SQOR: variants seen among roughly 807,000 people sequenced by gnomAD.
The protein encoded by SQOR is sulfide quinone oxidoreductase, also known as sulfide:quinone oxidoreductase, mitochondrial.
Under a neutral mutation model 48.6 loss-of-function variants are expected in SQOR, and 39 were observed. The observed-to-expected ratio is 0.80, with a 90% confidence interval of 0.62 to 1.05. The LOEUF (loss-of-function observed/expected upper bound fraction) is 1.05. Among genes scored for constraint, SQOR ranks in the 50% least tolerant of loss-of-function variants. The pLI is 0.00. For synonymous variants in SQOR, 220 were observed against 206.2 expected (o/e 1.07, Z -0.57); for missense variants, 561 against 559.9 (o/e 1.00, Z -0.02).
In SQOR at chr15:45,689,075, T is replaced by C. The variant is rs1284695852; in HGVS notation, c.1153T>C (p.Tyr385His). The C allele has an allele frequency of 6.2e-7, 1 of 1,614,218 alleles. No homozygotes were observed. The highest frequency in any genetic ancestry group is 1.7e-5 in the Admixed American group (1 of 60,026). Residue 385 changes from tyrosine (Y) to histidine (H), a missense_variant, in exon 9 of 10, where the codon TAC becomes CAC. Transcript: ENST00000260324. ...CACATCATGTCCACTGGTGACCGGC[T>C]ACAACCGTGTGATTCTTGCTGAGTT... The part of the protein sequence containing the change: ...GYTSCPLVTG[Y>H]NRVILAEFDY...
Position 45,655,975 on chromosome 15 carries a change from G to A in SQOR, c.-17-2932G>A, listed in dbSNP as rs946517293. ...GCTAGGATTACAGGCGTGAGCCACC[G>A]TGCCTGGCCTATTTTTTTTTTTTTC... is the stretch of plus-strand genomic sequence containing the variant. On this transcript the variant is annotated intron_variant, in intron 1 of 9. Transcript: ENST00000260324. 6.6e-5 allele frequency among the ~76,000 whole-genome samples: 10 copies of A among 151,100 alleles called. No individual in the cohort carries two copies. The South Asian group carries it at 1.3e-3, about 19-fold the overall frequency.
intron 3 of SQOR, among the ~76,000 whole-genome samples, chr15:45,668,615 C>T (rs1889880714): frequency 6.6e-6 from 1 of 152,170 alleles, no homozygotes; most frequent in Non-Finnish European, 1.5e-5. Flanking sequence ...GGCAGGGCCT[C>T]TTGACTGCAC....
At chr15:45,644,098 CT>C (rs1895155082) in intron 1 of SQOR, among the ~76,000 whole-genome samples, 1 of 151,424 alleles carries the variant, frequency 6.6e-6, no homozygotes, top group South Asian at 2.1e-4. Flanking sequence ...TTTTTTTCTC[CT>C]TTTTGAGACG....
intron 1 of SQOR, among the ~76,000 whole-genome samples, chr15:45,654,044 C>G (rs981624581): frequency 1.3e-5 from 2 of 150,720 alleles, no homozygotes; most frequent in Non-Finnish European, 2.9e-5. Flanking sequence ...ATCGCTTGAA[C>G]TCAGGAAGTG....
chr15:45,656,186 G>A (rs635205), intron 1 of SQOR, among the ~76,000 whole-genome samples: 90,521 of 151,906 alleles, frequency 0.6, 27,087 homozygotes, highest in East Asian at 0.72. Flanking sequence ...ATCTGCCTTA[G>A]TTTTACCATC....
At chr15:45,649,896 A>G (rs544109341) in intron 1 of SQOR, among the ~76,000 whole-genome samples, 175 of 152,056 alleles carry the variant, frequency 1.2e-3, no homozygotes, top group African/African-American at 4.0e-3. Context: ...CCTGTCACCC[A>G]GGCTGGCGTG....
chr15:45,689,252 G>GTTCCTGGATGAGGA (rs767911191), intron 9 of SQOR, 35 bp downstream of exon 9: 16 of 1,606,800 alleles, frequency 1.0e-5, no homozygotes, highest in Non-Finnish European at 9.4e-6. Context: ...ATGAGGAAAG[G>GTTCCTGGATGAGGA]GATTTGTAGC....
intron 6 of SQOR, among the ~76,000 whole-genome samples, chr15:45,680,574 C>T (rs1254382278): frequency 6.6e-6 from 1 of 151,114 alleles, no homozygotes; most frequent in Non-Finnish European, 1.5e-5. Flanking sequence ...TGCTACTATG[C>T]CTAGATAATT....
chr15:45,652,638 CTTTTTTTTTT>C (rs757986564), intron 1 of SQOR, among the ~76,000 whole-genome samples: 68 of 60,278 alleles, frequency 1.1e-3, no homozygotes, highest in African/African-American at 4.7e-3. Context: ...CGTGAGCCTC[CTTTTTTTTTT>C]TTTTTTTTTT....
At chr15:45,649,272 CTT>C in intron 1 of SQOR, among the ~76,000 whole-genome samples, 1 of 152,312 alleles carries the variant, frequency 6.6e-6, no homozygotes, top group South Asian at 2.1e-4. Context: ...GCTGTCTTAT[CTT>C]TCAATCAACA....
intron 3 of SQOR, among the ~76,000 whole-genome samples, chr15:45,663,699 C>A (rs940349021): frequency 2.0e-5 from 3 of 151,956 alleles, no homozygotes; most frequent in African/African-American, 7.3e-5. Flanking sequence ...CCCAGGAGTT[C>A]AAGGCTGTGG....
chr15:45,631,169 C>A, upstream of SQOR: 1 of 186,910 alleles, frequency 5.4e-6, no homozygotes, highest in Non-Finnish European at 1.1e-5. Flanking sequence ...TTGCCGCCAC[C>A]ATGTAAGAAG....
At chr15:45,671,295 C>G (rs1431424608) in intron 4 of SQOR, among the ~76,000 whole-genome samples, 1 of 152,284 alleles carries the variant, frequency 6.6e-6, no homozygotes, top group Middle Eastern at 3.4e-3. Context: ...GCTGGGATTA[C>G]AGGTGCCCAC....
chr15:45,635,849 T>G (rs1252941822), intron 1 of SQOR, among the ~76,000 whole-genome samples: 1 of 152,146 alleles, frequency 6.6e-6, no homozygotes, highest in Non-Finnish European at 1.5e-5. Flanking sequence ...ACAATACTTT[T>G]TTTTGAGACA....
intron 3 of SQOR, among the ~76,000 whole-genome samples, chr15:45,667,787 C>A (rs991558717): frequency 3.3e-5 from 5 of 152,098 alleles, no homozygotes; most frequent in African/African-American, 9.7e-5. Context: ...TATGTTTCAC[C>A]TGTAGATCAT....
intron 1 of SQOR, among the ~76,000 whole-genome samples, chr15:45,655,641 A>G (rs536530228): frequency 2.0e-5 from 3 of 152,290 alleles, no homozygotes; most frequent in African/African-American, 7.2e-5. Flanking sequence ...AGTATCATGA[A>G]AAATGGTTTC....
At chr15:45,672,227 TG>T (rs1889957874) in intron 4 of SQOR, among the ~76,000 whole-genome samples, 1 of 152,066 alleles carries the variant, frequency 6.6e-6, no homozygotes, top group African/African-American at 2.4e-5. Context: ...GAGGCCTTGG[TG>T]TCTGGTTCTT....
At chr15:45,682,889 G>A (rs190907059) in intron 7 of SQOR, among the ~76,000 whole-genome samples, 16 of 152,082 alleles carry the variant, frequency 1.1e-4, no homozygotes, top group African/African-American at 3.4e-4. Flanking sequence ...TTAGTCAGGC[G>A]TGTGGTGGGC....
At chr15:45,686,442 G>A (rs1021756361) in intron 7 of SQOR, among the ~76,000 whole-genome samples, 4 of 151,946 alleles carry the variant, frequency 2.6e-5, no homozygotes, top group South Asian at 2.1e-4. Context: ...GTGAGCCACC[G>A]CGCCCGGCCT....
Sources: allele counts gnomAD v4.1 joint callset (sites outside exome capture counted in the v4.1 genomes callset), GRCh38; gene constraint gnomAD v4.1.1; transcripts MANE v1.5; gene names NCBI Gene and HGNC (gene_info 2026-07-23, HGNC 2026-07-21).